EHBP1: variants seen among roughly 807,000 people sequenced by gnomAD.
EHBP1 encodes EH domain-binding protein 1.
In EHBP1, 55 loss-of-function variants were observed where a neutral mutation model predicts 144.0. The ratio of observed to expected loss-of-function variants is 0.38; its 90% confidence interval spans 0.31 to 0.48. The LOEUF (loss-of-function observed/expected upper bound fraction) is 0.48. Among genes scored for constraint, EHBP1 ranks in the 20% least tolerant of loss-of-function variants. The pLI is 0.98. For synonymous variants in EHBP1, 469 were observed against 472.7 expected (o/e 0.99, Z 0.10); for missense variants, 1,200 against 1,364.2 (o/e 0.88, Z 1.90).
At chr2:62,760,636 T>C (rs977633717) in intron 3 of EHBP1, among the ~76,000 whole-genome samples, 1 of 152,184 alleles carries the variant, frequency 6.6e-6, no homozygotes, top group Non-Finnish European at 1.5e-5. Flanking sequence ...GGTCTCCGTA[T>C]TCCCTGCTTT....
intron 2 of EHBP1, among the ~76,000 whole-genome samples, chr2:62,718,954 T>G (rs567334742): frequency 2.6e-4 from 40 of 152,062 alleles, no homozygotes; most frequent in African/African-American, 8.0e-4. Flanking sequence ...TGTTGAGAGA[T>G]AGCTATTCTG....
In EHBP1 at chr2:62,836,140, G is replaced by T. The variant is rs1294269625; in HGVS notation, c.634+4982G>T. On this transcript the variant is annotated intron_variant, in intron 7 of 22. Transcript: ENST00000431489. ...GTGGTTCTCCCAGCACGCAGCTGGA[G>T]ATCTGAGAACCGGCAGACTGCCTCC... Among the ~76,000 whole-genome samples, 116 of 152,276 alleles carry T rather than the reference G, an allele frequency of 7.6e-4. 2 individuals carry two copies. Among genetic ancestry groups the T allele is most frequent in the African/African-American group, 2.6e-3 (106 of 41,552 alleles).
chr2:63,021,988 A>C (rs1048374304), intron 19 of EHBP1, among the ~76,000 whole-genome samples: 1 of 151,858 alleles, frequency 6.6e-6, no homozygotes, highest in Non-Finnish European at 1.5e-5. Flanking sequence ...GGCTGCTCTC[A>C]AACTCCTGAC....
At chr2:62,985,570 ACT>A (rs1008875850) in intron 15 of EHBP1, among the ~76,000 whole-genome samples, 1 of 151,596 alleles carries the variant, frequency 6.6e-6, no homozygotes, top group African/African-American at 2.4e-5. Flanking sequence ...GTCCTTCAAG[ACT>A]CTCTGTAGGC....
At chr2:62,896,343 T>C (rs1191863668) in intron 10 of EHBP1, among the ~76,000 whole-genome samples, 1 of 152,228 alleles carries the variant, frequency 6.6e-6, no homozygotes, top group African/African-American at 2.4e-5. Context: ...TCAGAGAACG[T>C]AGGCACTGCC....
intron 14 of EHBP1, among the ~76,000 whole-genome samples, chr2:62,965,323 C>T (rs1228084065): frequency 3.3e-5 from 5 of 152,164 alleles, no homozygotes; most frequent in Non-Finnish European, 5.9e-5. Context: ...TTATTTTCCT[C>T]TCTCTTCATT....
intron 7 of EHBP1, among the ~76,000 whole-genome samples, chr2:62,857,140 G>A (rs1295675662): frequency 2.0e-5 from 3 of 152,082 alleles, no homozygotes; most frequent in Admixed American, 6.5e-5. Flanking sequence ...CCTAATTTTA[G>A]CCCAGCAAGT....
At chr2:62,765,814 G>C (rs1269884064) in intron 4 of EHBP1, among the ~76,000 whole-genome samples, 5 of 152,106 alleles carry the variant, frequency 3.3e-5, no homozygotes, top group African/African-American at 1.2e-4. Flanking sequence ...AGAATGGTAT[G>C]ATGTCTCCCC....
intron 10 of EHBP1, among the ~76,000 whole-genome samples, chr2:62,879,390 G>C (rs571985732): frequency 6.6e-6 from 1 of 152,154 alleles, no homozygotes; most frequent in South Asian, 2.1e-4. Context: ...AAACCTCATA[G>C]TTGCTGCTCC....
intron 4 of EHBP1, among the ~76,000 whole-genome samples, chr2:62,766,143 T>G (rs538971775): frequency 3.9e-5 from 6 of 152,168 alleles, no homozygotes; most frequent in African/African-American, 1.4e-4. Context: ...TACTAGAAAA[T>G]GAGTAAACAG....
At chr2:62,749,470 G>A (rs1264417478) in intron 3 of EHBP1, among the ~76,000 whole-genome samples, 1 of 152,208 alleles carries the variant, frequency 6.6e-6, no homozygotes, top group Non-Finnish European at 1.5e-5. Flanking sequence ...CTTTATAGCA[G>A]CATGATTTAT....
intron 2 of EHBP1, among the ~76,000 whole-genome samples, chr2:62,727,385 T>C (rs1415456691): frequency 6.6e-6 from 1 of 152,146 alleles, no homozygotes; most frequent in African/African-American, 2.4e-5. Context: ...TTAATGTATT[T>C]CTAGAGTTGT....
At chr2:63,030,057 C>T (rs2061167984) in intron 19 of EHBP1, among the ~76,000 whole-genome samples, 1 of 152,108 alleles carries the variant, frequency 6.6e-6, no homozygotes, top group South Asian at 2.1e-4. Flanking sequence ...GGTGTGGATG[C>T]AATGTTCATC....
intron 5 of EHBP1, among the ~76,000 whole-genome samples, chr2:62,772,521 A>G (rs570213842): frequency 1.3e-5 from 2 of 152,386 alleles, no homozygotes; most frequent in African/African-American, 4.8e-5. Flanking sequence ...CCAAACATTT[A>G]TTAATATATT....
intron 7 of EHBP1, among the ~76,000 whole-genome samples, chr2:62,851,940 C>T (rs962507419): frequency 1.9e-4 from 29 of 151,904 alleles, no homozygotes; most frequent in Admixed American, 1.7e-3. Context: ...TTAGATGTCA[C>T]CAAAAGCATG....
At chr2:62,707,972 C>T (rs2034762614) in intron 2 of EHBP1, among the ~76,000 whole-genome samples, 1 of 152,064 alleles carries the variant, frequency 6.6e-6, no homozygotes, top group African/African-American at 2.4e-5. Context: ...GGCTTTCTTT[C>T]CATTGCCCTG....
At chr2:62,775,168 G>C (rs536051465) in intron 5 of EHBP1, among the ~76,000 whole-genome samples, 2 of 152,138 alleles carry the variant, frequency 1.3e-5, no homozygotes, top group Non-Finnish European at 2.9e-5. Context: ...TTTAATAAGA[G>C]AGTTGATGAA....
At chr2:62,880,103 G>A (rs532866610) in intron 10 of EHBP1, among the ~76,000 whole-genome samples, 1 of 152,252 alleles carries the variant, frequency 6.6e-6, no homozygotes, top group East Asian at 1.9e-4. Context: ...ACAAAAACAA[G>A]CAATGGGGAA....
At chr2:62,841,482 TAATAAAAA>T (rs1239310496) in intron 7 of EHBP1, among the ~76,000 whole-genome samples, 1 of 151,994 alleles carries the variant, frequency 6.6e-6, no homozygotes, top group Non-Finnish European at 1.5e-5. Context: ...CTAAAACTTA[TAATAAAAA>T]AATAAAAATA....
Sources: gnomAD v4.1 joint callset for allele counts (sites outside exome capture counted in the v4.1 genomes callset) on GRCh38, gnomAD v4.1.1 for gene constraint, MANE v1.5 for transcripts, NCBI Gene and HGNC (gene_info 2026-07-23, HGNC 2026-07-21) for gene names.